Variants in EPHA6 observed in about 807,000 individuals in gnomAD.
EPHA6 encodes the protein EPH receptor A6, also known as ephrin type-A receptor 6.
In EPHA6, 50 loss-of-function variants were observed where a neutral mutation model predicts 112.0. The ratio of observed to expected loss-of-function variants is 0.45; its 90% CI spans 0.36 to 0.56. The LOEUF (loss-of-function observed/expected upper bound fraction) is 0.56, where lower values mean the gene tolerates loss of function less well. Among genes scored for constraint, EPHA6 ranks in the 20% least tolerant of loss-of-function variants. The pLI is 0.00. For synonymous variants in EPHA6, 529 were observed against 490.7 expected, an observed-to-expected ratio of 1.08 and a Z score of -1.03; for missense variants, 1,280 against 1,417.4, an observed-to-expected ratio of 0.90 and a Z score of 1.56.
intron 5 of EPHA6, among the ~76,000 whole-genome samples, chr3:97,397,455 T>C (rs1417545728): frequency 2.0e-5 from 3 of 151,702 alleles, no homozygotes; most frequent in African/African-American, 7.2e-5. Flanking sequence ...CTTTCATATA[T>C]GGAAGCCTCA....
intron 5 of EPHA6, among the ~76,000 whole-genome samples, chr3:97,290,108 C>G (rs904340004): frequency 6.6e-6 from 1 of 152,066 alleles, no homozygotes; most frequent in Non-Finnish European, 1.5e-5. Flanking sequence ...AAACTTTCTC[C>G]TTAACAATGT....
intron 11 of EPHA6, among the ~76,000 whole-genome samples, chr3:97,551,454 C>G (rs1201528620): frequency 1.3e-5 from 2 of 152,156 alleles, no homozygotes; most frequent in Non-Finnish European, 1.5e-5. Context: ...CAAACAAAGA[C>G]ATCAGTGATT....
chr3:97,252,447 G>T (rs1199044047), intron 5 of EPHA6, among the ~76,000 whole-genome samples: 3 of 151,884 alleles, frequency 2.0e-5, no homozygotes, highest in Non-Finnish European at 2.9e-5. Flanking sequence ...GCACGCACAG[G>T]CACACCCACA....
chr3:97,276,038 T>C (rs1483246823), intron 5 of EPHA6, among the ~76,000 whole-genome samples: 1 of 151,938 alleles, frequency 6.6e-6, no homozygotes, highest in Non-Finnish European at 1.5e-5. Flanking sequence ...TTGGGGAGTT[T>C]TAAGAGGTTT....
intron 2 of EPHA6, among the ~76,000 whole-genome samples, chr3:96,936,532 C>T (rs1381955937): frequency 1.3e-5 from 2 of 150,664 alleles, no homozygotes; most frequent in African/African-American, 2.4e-5. Flanking sequence ...TCTTTTTGTT[C>T]TGTACTTCAA....
chr3:97,104,846 C>T (rs942007217), intron 3 of EPHA6, among the ~76,000 whole-genome samples: 4 of 151,984 alleles, frequency 2.6e-5, no homozygotes, highest in African/African-American at 9.7e-5. Context: ...TTCAGGGAAT[C>T]AGTTGCTTCC....
intron 13 of EPHA6, among the ~76,000 whole-genome samples, chr3:97,633,986 T>C (rs563974052): frequency 6.6e-6 from 1 of 152,256 alleles, no homozygotes; most frequent in South Asian, 2.1e-4. Context: ...TAAATGACCT[T>C]AGAAGTCTTT....
At chr3:96,936,646 A>G (rs2040599616) in intron 2 of EPHA6, among the ~76,000 whole-genome samples, 1 of 151,854 alleles carries the variant, frequency 6.6e-6, no homozygotes. Flanking sequence ...TTTAGGGTAC[A>G]TGTGCACAAT....
chr3:97,308,788 G>A (rs1281039112), intron 5 of EPHA6, among the ~76,000 whole-genome samples: 1 of 151,616 alleles, frequency 6.6e-6, no homozygotes, highest in Non-Finnish European at 1.5e-5. Context: ...TTCATTATTT[G>A]AGCACTACAT....
At chr3:97,499,923 A>G (rs1400912588) in intron 10 of EPHA6, among the ~76,000 whole-genome samples, 1 of 151,960 alleles carries the variant, frequency 6.6e-6, no homozygotes, top group Non-Finnish European at 1.5e-5. Flanking sequence ...TAAAATACAA[A>G]TATTTTTTCT....
chr3:96,851,726 A>G (rs1211739091), intron 1 of EPHA6, among the ~76,000 whole-genome samples: 2 of 152,116 alleles, frequency 1.3e-5, no homozygotes, highest in Admixed American at 1.3e-4. Context: ...AGTCACTGAG[A>G]TGAGAAGATA....
intron 3 of EPHA6, among the ~76,000 whole-genome samples, chr3:97,005,237 C>T (rs1202287124): frequency 2.0e-5 from 3 of 152,104 alleles, no homozygotes; most frequent in Non-Finnish European, 2.9e-5. Context: ...ATTGAATCTT[C>T]GTATCCATGA....
chr3:97,113,899 G>A (rs556621901), intron 3 of EPHA6, among the ~76,000 whole-genome samples: 4 of 152,214 alleles, frequency 2.6e-5, no homozygotes, highest in African/African-American at 9.6e-5. Flanking sequence ...AGTGTTATGA[G>A]AGATATAGTG....
intron 3 of EPHA6, among the ~76,000 whole-genome samples, chr3:97,091,153 T>C (rs758332193): frequency 2.6e-5 from 4 of 152,108 alleles, no homozygotes; most frequent in Non-Finnish European, 5.9e-5. Context: ...GTTATGTGAT[T>C]TCCCATCCTG....
chr3:97,464,997 T>C (rs1007436353), intron 7 of EPHA6, among the ~76,000 whole-genome samples: 4 of 152,136 alleles, frequency 2.6e-5, no homozygotes, highest in Non-Finnish European at 5.9e-5. Context: ...ATCATCAGCA[T>C]GTAGGAAGAT....
intron 3 of EPHA6, among the ~76,000 whole-genome samples, chr3:96,994,528 G>T (rs932993341): frequency 6.6e-6 from 1 of 151,812 alleles, no homozygotes; most frequent in African/African-American, 2.4e-5. Flanking sequence ...ATGCAAAATT[G>T]AATGCAATTT....
At chr3:97,723,026 A>G (rs914969783) in intron 15 of EPHA6, among the ~76,000 whole-genome samples, 2 of 152,232 alleles carry the variant, frequency 1.3e-5, no homozygotes, top group Non-Finnish European at 2.9e-5. Context: ...TATCCACTTT[A>G]ACAGTAACAT....
At position 97,748,746 on chromosome 3, in the gene EPHA6, T is replaced by C. The variant is rs766722167; in HGVS notation, c.*45T>C. The C allele has an allele frequency of 3.1e-6, 3 of 981,998 alleles. No homozygotes were observed. The highest frequency in any genetic ancestry group is 1.8e-5 in the Admixed American group (1 of 54,750). The allele number at this position is 981,998 out of a possible 1,614,324, so 60.8% of individuals were successfully genotyped here. A position where few individuals can be genotyped will look rare whatever the true frequency, so the allele number is the denominator to read the frequency against. On this transcript the variant is annotated 3_prime_UTR_variant, in exon 18 of 18. Transcript: ENST00000389672. ...GTTTTGTGCCTCAGCATTTCTAAAATGAACGATATCCTCTCTACTACTCTC... is the reference window on the plus strand; with the variant it reads ...GTTTTGTGCCTCAGCATTTCTAAAACGAACGATATCCTCTCTACTACTCTC...
At chr3:97,389,688 T>G (rs1236717746) in intron 5 of EPHA6, among the ~76,000 whole-genome samples, 5 of 152,196 alleles carry the variant, frequency 3.3e-5, no homozygotes, top group Non-Finnish European at 5.9e-5. Flanking sequence ...CACAACATGT[T>G]GCATTTTAAG....
Sources: allele counts gnomAD v4.1 joint callset (sites outside exome capture counted in the v4.1 genomes callset), GRCh38; gene constraint gnomAD v4.1.1; transcripts MANE v1.5; gene names NCBI Gene and HGNC (gene_info 2026-07-23, HGNC 2026-07-21).